The following RASA1 variants were observed in gnomAD, a reference collection of about 807,000 sequenced individuals.
RASA1 encodes ras GTPase-activating protein 1.
A neutral mutation model predicts 132.2 loss-of-function variants in RASA1; 25 were observed. That is an observed-to-expected ratio of 0.19 (90% CI 0.14 to 0.26). The LOEUF (loss-of-function observed/expected upper bound fraction) is 0.26. Ranked by LOEUF, RASA1 falls within the 10% of genes least tolerant of loss-of-function variation. RASA1 has a pLI of 1.00. For missense variants in RASA1, 964 were observed against 1,299.2 expected, an observed-to-expected ratio of 0.74 and a Z score of 3.97; for synonymous variants, 477 against 449.9, an observed-to-expected ratio of 1.06 and a Z score of -0.76.
chr5:87,270,167 A>G (rs1339945264), intron 1 of RASA1, among the ~76,000 whole-genome samples: 1 of 148,496 alleles, frequency 6.7e-6, no homozygotes, highest in Non-Finnish European at 1.5e-5. Flanking sequence ...GCTTGAACCC[A>G]GGAGGCGGAG....
chr5:87,382,443 C>G (rs1194830710), intron 20 of RASA1, among the ~76,000 whole-genome samples: 2 of 152,086 alleles, frequency 1.3e-5, no homozygotes, highest in African/African-American at 4.8e-5. Context: ...GGGAATAATG[C>G]TTGTCTTTAC....
intron 1 of RASA1, among the ~76,000 whole-genome samples, chr5:87,327,259 C>T (rs138280300): frequency 7.2e-5 from 11 of 152,270 alleles, no homozygotes; most frequent in African/African-American, 2.6e-4. Context: ...CCTACATTTG[C>T]GCAGCTAGGT....
intron 4 of RASA1, among the ~76,000 whole-genome samples, chr5:87,335,018 AATTAC>A (rs1757863152): frequency 6.6e-6 from 1 of 151,980 alleles, no homozygotes; most frequent in South Asian, 2.1e-4. Flanking sequence ...GAGCAGCTGG[AATTAC>A]AGGCGTGTGT....
chr5:87,269,185 A>G (rs1351562436), intron 1 of RASA1, 195 bp downstream of exon 1: 1 of 1,603,946 alleles, frequency 6.2e-7, no homozygotes, highest in Non-Finnish European at 8.5e-7. Context: ...GTCTTCCTAC[A>G]TTTATTGCTC....
intron 1 of RASA1, among the ~76,000 whole-genome samples, chr5:87,317,247 T>C (rs1756413331): frequency 6.6e-6 from 1 of 152,150 alleles, no homozygotes; most frequent in Non-Finnish European, 1.5e-5. Context: ...TTGCAGTCCT[T>C]TTGTTTGTGC....
chr5:87,388,503 T>C (rs763170432), intron 23 of RASA1, among the ~76,000 whole-genome samples: 1 of 152,202 alleles, frequency 6.6e-6, no homozygotes, highest in Non-Finnish European at 1.5e-5. Context: ...GATTTTTGGA[T>C]TGGGGATGCT....
chr5:87,376,961 C>T lies in RASA1; in HGVS notation c.2265C>T (p.Ile755=). Residue 755 remains isoleucine (I), a synonymous_variant, in exon 17 of 25, where the codon ATC becomes ATT. Coordinates refer to ENST00000274376, the MANE Select transcript of RASA1 (RefSeq NM_002890.3). ...CGQDRTLLAS[I]LLRIFLHEKL... ...AAGACCGAACACTACTGGCCAGCAT[C>T]CTACTGAGGATTTTTCTTCACGAAA... 6.2e-7 allele frequency: 1 copy of T among 1,611,932 alleles called. No homozygotes were observed. Among genetic ancestry groups the T allele is most frequent in the Non-Finnish European group, 8.5e-7 (1 of 1,178,054 alleles).
chr5:87,369,705 G>T, intron 11 of RASA1, 108 bp from the exon 12 acceptor site: 9 of 772,056 alleles, frequency 1.2e-5, no homozygotes, highest in Non-Finnish European at 1.9e-5. Context: ...ATTTCTTTAA[G>T]AATTATAATT....
chr5:87,349,109 T>A, intron 7 of RASA1, 105 bp from the exon 8 acceptor site: 2 of 1,357,472 alleles, frequency 1.5e-6, no homozygotes, highest in Non-Finnish European at 2.0e-6. Context: ...CTGGTGAAAA[T>A]TTACATATGT....
intron 9 of RASA1, 81 bp from the exon 10 acceptor site, chr5:87,362,470 T>C (rs1760178213): frequency 7.7e-6 from 11 of 1,428,976 alleles, no homozygotes; most frequent in Non-Finnish European, 1.1e-5. Context: ...GCGCTTTGGC[T>C]TTTAATTGGT....
intron 1 of RASA1, among the ~76,000 whole-genome samples, chr5:87,306,016 G>A (rs1043969205): frequency 6.6e-6 from 1 of 152,228 alleles, no homozygotes; most frequent in Non-Finnish European, 1.5e-5. Flanking sequence ...TACGCAGTTG[G>A]TGGGAGTGTA....
intron 6 of RASA1, among the ~76,000 whole-genome samples, chr5:87,344,396 T>G (rs890944301): frequency 1.1e-4 from 16 of 152,306 alleles, no homozygotes; most frequent in African/African-American, 3.4e-4. Context: ...CACCTTTACC[T>G]TAGCAGAGCC....
chr5:87,349,999 C>T (rs1759140417), intron 8 of RASA1, among the ~76,000 whole-genome samples: 1 of 151,668 alleles, frequency 6.6e-6, no homozygotes. Context: ...TAACTAATAA[C>T]TCTCTATTTC....
At chr5:87,339,620 T>C (rs1758293132) in intron 5 of RASA1, among the ~76,000 whole-genome samples, 1 of 152,070 alleles carries the variant, frequency 6.6e-6, no homozygotes, top group African/African-American at 2.4e-5. Context: ...TTACTCAATG[T>C]ATACAGAAAA....
At chr5:87,308,313 T>A (rs939923596) in intron 1 of RASA1, among the ~76,000 whole-genome samples, 14 of 152,104 alleles carry the variant, frequency 9.2e-5, no homozygotes, top group Non-Finnish European at 1.9e-4. Context: ...GAGTGGCTGC[T>A]GAATGGCACC....
At chr5:87,383,596 AG>A in intron 20 of RASA1, 116 bp from the exon 21 acceptor site, 3 of 715,776 alleles carry the variant, frequency 4.2e-6, no homozygotes, top group South Asian at 4.1e-5. Context: ...ATTGGTTTAG[AG>A]TGAATTTTAT....
intron 1 of RASA1, among the ~76,000 whole-genome samples, chr5:87,324,922 CACTTT>C (rs1319155520): frequency 6.6e-6 from 1 of 152,082 alleles, no homozygotes; most frequent in Non-Finnish European, 1.5e-5. Context: ...CTTTCCTCTT[CACTTT>C]AAGAAATCAG....
chr5:87,296,698 C>T (rs1036128735), intron 1 of RASA1, among the ~76,000 whole-genome samples: 3 of 151,866 alleles, frequency 2.0e-5, no homozygotes, highest in African/African-American at 7.3e-5. Flanking sequence ...TGTTTTTTGC[C>T]TCTGGTTTCT....
chr5:87,308,363 AAGTT>A (rs1430816784), intron 1 of RASA1, among the ~76,000 whole-genome samples: 2 of 152,050 alleles, frequency 1.3e-5, no homozygotes, highest in East Asian at 3.9e-4. Flanking sequence ...TTGGTTCCTT[AAGTT>A]CTGATTGCCT....
Sources: gnomAD v4.1 joint callset for allele counts (sites outside exome capture counted in the v4.1 genomes callset) on GRCh38, gnomAD v4.1.1 for gene constraint, MANE v1.5 for transcripts, NCBI Gene and HGNC (gene_info 2026-07-23, HGNC 2026-07-21) for gene names.